Variants in ZBTB20 observed in about 807,000 individuals in gnomAD.
The protein encoded by ZBTB20 is zinc finger and BTB domain-containing protein 20.
In ZBTB20, 9 loss-of-function variants were observed where a neutral mutation model predicts 56.9. The observed-to-expected ratio is 0.16, with a 90% confidence interval of 0.10 to 0.28. The LOEUF is 0.28. ZBTB20 is among the 10% of genes least tolerant of loss of function. The probability of loss-of-function intolerance (pLI) is 1.00; values close to 1 mark genes in which losing one functional copy is unlikely to be tolerated. For synonymous variants in ZBTB20, 417 were observed against 420.7 expected, an observed-to-expected ratio of 0.99 and a Z score of 0.11; for missense variants, 655 against 1,003.0, an observed-to-expected ratio of 0.65 and a Z score of 4.69.
chr3:114,575,591 TAAA>T (rs11338329), intron 6 of ZBTB20, among the ~76,000 whole-genome samples: 8 of 138,298 alleles, frequency 5.8e-5, no homozygotes, highest in African/African-American at 1.8e-4. Context: ...CTTTAAAAAA[TAAA>T]AAAAAAAAAA....
At chr3:114,704,009 T>C (rs543999432) in intron 5 of ZBTB20, among the ~76,000 whole-genome samples, 26 of 152,296 alleles carry the variant, frequency 1.7e-4, no homozygotes, top group African/African-American at 6.3e-4. Flanking sequence ...TTAGGAGTGG[T>C]GACATTTCTG....
At chr3:114,484,389 G>A (rs1476033112) in intron 7 of ZBTB20, among the ~76,000 whole-genome samples, 2 of 152,166 alleles carry the variant, frequency 1.3e-5, no homozygotes, top group Non-Finnish European at 2.9e-5. Flanking sequence ...AAAGGAGAGC[G>A]AGACTTTGTC....
chr3:114,340,116 C>T (rs1222681691), intron 11 of ZBTB20, among the ~76,000 whole-genome samples: 2 of 152,078 alleles, frequency 1.3e-5, no homozygotes, highest in African/African-American at 4.8e-5. Flanking sequence ...AGATTGGCCT[C>T]ATCGGGTGTA....
intron 2 of ZBTB20, among the ~76,000 whole-genome samples, chr3:115,021,151 C>G (rs534244352): frequency 3.3e-5 from 5 of 150,904 alleles, no homozygotes; most frequent in Admixed American, 2.0e-4. Context: ...TTTGGAATGC[C>G]ATTTTTAATT....
intron 1 of ZBTB20, among the ~76,000 whole-genome samples, chr3:115,081,664 G>C (rs1480414704): frequency 6.6e-6 from 1 of 152,038 alleles, no homozygotes; most frequent in Non-Finnish European, 1.5e-5. Flanking sequence ...TGTCCAGCTG[G>C]ATTTAAGCCA....
chr3:114,844,993 A>C (rs1257767530), intron 4 of ZBTB20, among the ~76,000 whole-genome samples: 1 of 151,622 alleles, frequency 6.6e-6, no homozygotes, highest in Non-Finnish European at 1.5e-5. Context: ...TTCTTTGCAA[A>C]TATTTTCTTA....
chr3:114,393,355 A>C (rs1026909573), intron 7 of ZBTB20, among the ~76,000 whole-genome samples: 3 of 152,232 alleles, frequency 2.0e-5, no homozygotes, highest in Non-Finnish European at 4.4e-5. Flanking sequence ...TAATTATATA[A>C]ATGTACATTT....
Position 114,682,319 on chromosome 3 carries a change from C to T in ZBTB20, c.-295+11209G>A, listed in dbSNP as rs377577201. On this transcript the variant is annotated intron_variant, in intron 6 of 11. Coordinates refer to ENST00000675478, the MANE Select transcript of ZBTB20 (RefSeq NM_001348800.3). ...TCTAGACGATTGTGGGGATTTTAAT[C>T]GTCCTCTTGTAATTTATGCTACGCA... is the stretch of plus-strand genomic sequence containing the variant. 7.2e-5 allele frequency among the ~76,000 whole-genome samples: 11 copies of T among 152,258 alleles called. No homozygotes were observed. In the East Asian group the frequency reaches 7.7e-4, roughly 11 times the overall value.
At chr3:114,762,190 C>A (rs919295892) in intron 5 of ZBTB20, among the ~76,000 whole-genome samples, 3 of 152,098 alleles carry the variant, frequency 2.0e-5, no homozygotes, top group Admixed American at 6.6e-5. Flanking sequence ...AGAAAAAATT[C>A]TTGTTTTTCC....
chr3:114,370,458 G>A (rs1420773877), intron 10 of ZBTB20, among the ~76,000 whole-genome samples: 1 of 151,970 alleles, frequency 6.6e-6, no homozygotes, highest in African/African-American at 2.4e-5. Flanking sequence ...CTCCCTCGTT[G>A]GTGTCTGTGG....
At chr3:115,003,931 G>C (rs1005702666) in intron 2 of ZBTB20, among the ~76,000 whole-genome samples, 7 of 151,494 alleles carry the variant, frequency 4.6e-5, no homozygotes, top group African/African-American at 1.5e-4. Flanking sequence ...TTAATATTAT[G>C]TCTTCATTAT....
chr3:115,001,511 A>G (rs1432979312), intron 2 of ZBTB20, among the ~76,000 whole-genome samples: 1 of 150,314 alleles, frequency 6.7e-6, no homozygotes, highest in Non-Finnish European at 1.5e-5. Context: ...GCAATTTAAT[A>G]TACATACACA....
chr3:114,476,622 G>C (rs1213204387), intron 7 of ZBTB20, among the ~76,000 whole-genome samples: 11 of 152,108 alleles, frequency 7.2e-5, no homozygotes, highest in Non-Finnish European at 4.4e-5. Flanking sequence ...CTTCTATAAT[G>C]AACCCACTCT....
chr3:114,380,408 A>G lies in ZBTB20; in HGVS notation c.12-4T>C. 1.3e-6 allele frequency: 2 copies of G among 1,519,812 alleles called. No homozygotes were observed. The highest frequency in any genetic ancestry group is 8.8e-7 in the Non-Finnish European group (1 of 1,138,384). 94.1% of individuals were successfully genotyped at this position (1,519,812 alleles called of 1,614,324 possible). A position where few individuals can be genotyped will look rare whatever the true frequency, so the allele number is the denominator to read the frequency against. The stretch of plus-strand genomic sequence containing the variant: ...TTCAGCTGTCTTGGGTTTCTTCCTG[A>G]AAATAAACAAAGGGCCCTTTGAAGG... On this transcript the variant is annotated splice_region_variant and splice_polypyrimidine_tract_variant and intron_variant, in intron 9 of 11. Transcript: ENST00000675478.
At chr3:115,110,617 T>C (rs946108508) in intron 1 of ZBTB20, among the ~76,000 whole-genome samples, 8 of 152,244 alleles carry the variant, frequency 5.3e-5, no homozygotes, top group African/African-American at 1.7e-4. Flanking sequence ...TTTACACTTA[T>C]ATTGGGTATT....
chr3:114,911,818 AAGAC>A (rs998815381), intron 3 of ZBTB20, among the ~76,000 whole-genome samples: 10 of 151,966 alleles, frequency 6.6e-5, no homozygotes, highest in Non-Finnish European at 1.0e-4. Flanking sequence ...ATTCCCAGAG[AAGAC>A]AGACAGAGTA....
At chr3:114,430,808 T>G (rs1199557188) in intron 7 of ZBTB20, among the ~76,000 whole-genome samples, 1 of 152,160 alleles carries the variant, frequency 6.6e-6, no homozygotes, top group Non-Finnish European at 1.5e-5. Flanking sequence ...TAACTGCCAG[T>G]AGATAGGGTT....
At chr3:115,077,796 T>C (rs2108528845) in intron 1 of ZBTB20, among the ~76,000 whole-genome samples, 1 of 152,256 alleles carries the variant, frequency 6.6e-6, no homozygotes, top group Middle Eastern at 3.4e-3. Context: ...GAATGCAAAA[T>C]GGTGAAGCAC....
At chr3:114,897,398 A>C (rs972965197) in intron 4 of ZBTB20, among the ~76,000 whole-genome samples, 1 of 152,074 alleles carries the variant, frequency 6.6e-6, no homozygotes, top group African/African-American at 2.4e-5. Context: ...GAAGGGGGAA[A>C]AAAGAAATTA....
Sources: allele counts gnomAD v4.1 joint callset (sites outside exome capture counted in the v4.1 genomes callset), GRCh38; gene constraint gnomAD v4.1.1; transcripts MANE v1.5; gene names NCBI Gene and HGNC (gene_info 2026-07-23, HGNC 2026-07-21).